The following RNF220 variants were observed in gnomAD, a reference collection of about 807,000 sequenced individuals.
RNF220 encodes the protein E3 ubiquitin-protein ligase RNF220.
Under a neutral mutation model 67.1 loss-of-function variants are expected in RNF220, and 7 were observed. The observed-to-expected ratio is 0.10, with a 90% CI of 0.06 to 0.20. RNF220 has a LOEUF of 0.20. RNF220 is among the 10% of genes least tolerant of loss of function. The probability of loss-of-function intolerance (pLI) is 1.00; values close to 1 mark genes in which losing one functional copy is unlikely to be tolerated. For synonymous variants in RNF220, 270 were observed against 283.2 expected (o/e 0.95, Z 0.47); for missense variants, 565 against 740.3 (o/e 0.76, Z 2.75).
chr1:44,635,467 T>C, intron 6 of RNF220, 78 bp from the exon 7 acceptor site: 2 of 1,569,186 alleles, frequency 1.3e-6, no homozygotes, highest in Admixed American at 1.8e-5. Context: ...GGTCAGGATG[T>C]GTCAGCTCCA....
intron 5 of RNF220, among the ~76,000 whole-genome samples, chr1:44,630,120 T>C (rs1644073060): frequency 6.6e-6 from 1 of 152,234 alleles, no homozygotes; most frequent in African/African-American, 2.4e-5. Context: ...TTGTTTTTCA[T>C]AGAGACAGGG....
intron 2 of RNF220, among the ~76,000 whole-genome samples, chr1:44,501,772 G>T (rs547716341): frequency 1.2e-4 from 18 of 152,192 alleles, no homozygotes; most frequent in African/African-American, 3.1e-4. Context: ...GTGCAGGAGA[G>T]GGGGGCTGGG....
intron 2 of RNF220, among the ~76,000 whole-genome samples, chr1:44,550,371 G>A (rs1015627319): frequency 2.6e-5 from 4 of 152,140 alleles, no homozygotes; most frequent in South Asian, 4.1e-4. Context: ...TGTGTCTCTC[G>A]GGCTGCACAT....
At chr1:44,560,036 G>A (rs1194936937) in intron 2 of RNF220, among the ~76,000 whole-genome samples, 1 of 152,192 alleles carries the variant, frequency 6.6e-6, no homozygotes, top group Non-Finnish European at 1.5e-5. Context: ...TGTCCTCAGT[G>A]CCCATCAGGC....
Position 44,622,644 on chromosome 1 carries a change from C to A in RNF220, c.759-98C>A. On this transcript the variant is annotated intron_variant, in intron 3 of 14. Transcript: ENST00000361799. The surrounding 1 kb of genome is among the most constrained non-coding windows in gnomAD (Gnocchi z 4.3). ...GCTGAGCTGGGCTGGGCTAGGCGGT[C>A]TATGCCTTCTCTGTCTTTGGGGTCT... is the stretch of plus-strand genomic sequence containing the variant. 2 of 1,101,070 alleles carry A rather than the reference C, an allele frequency of 1.8e-6. No individual in the cohort carries two copies. The highest frequency in any genetic ancestry group is 1.3e-5 in the South Asian group (1 of 77,538). 68.2% of individuals were successfully genotyped at this position (1,101,070 alleles called of 1,614,324 possible).
intron 2 of RNF220, among the ~76,000 whole-genome samples, chr1:44,487,336 AAAATAAATAAAT>A (rs149516718): frequency 1.4e-5 from 2 of 146,950 alleles, no homozygotes; most frequent in Admixed American, 6.8e-5. Context: ...CTCTGTCTCA[AAAATAAATAAAT>A]AAATAAATAA....
At chr1:44,511,583 TAGAA>T (rs1402089800) in intron 2 of RNF220, among the ~76,000 whole-genome samples, 1 of 152,162 alleles carries the variant, frequency 6.6e-6, no homozygotes, top group African/African-American at 2.4e-5. Context: ...TCGTTCCTGA[TAGAA>T]AGCAGGTAGG....
chr1:44,633,908 G>A (rs1405013767), intron 6 of RNF220, among the ~76,000 whole-genome samples: 1 of 152,228 alleles, frequency 6.6e-6, no homozygotes, highest in African/African-American at 2.4e-5. Flanking sequence ...CCAAGAGTTA[G>A]GGCAGCCAAA....
chr1:44,527,851 G>C (rs1427050187), intron 2 of RNF220, among the ~76,000 whole-genome samples: 2 of 136,548 alleles, frequency 1.5e-5, no homozygotes, highest in African/African-American at 5.4e-5. Context: ...TCTTTGACTT[G>C]GGAGATGAAG....
At chr1:44,479,809 C>T (rs1412327180) in intron 2 of RNF220, among the ~76,000 whole-genome samples, 2 of 152,152 alleles carry the variant, frequency 1.3e-5, no homozygotes, top group African/African-American at 2.4e-5. Flanking sequence ...TGCAAACTAG[C>T]CAGTTTTCTG....
intron 12 of RNF220, among the ~76,000 whole-genome samples, chr1:44,646,863 CTA>C (rs1394786461): frequency 2.6e-5 from 4 of 152,232 alleles, no homozygotes; most frequent in African/African-American, 9.6e-5. Flanking sequence ...CGTGATTTCT[CTA>C]TTTCTTGCCC....
intron 2 of RNF220, among the ~76,000 whole-genome samples, chr1:44,476,244 T>G (rs1655289638): frequency 6.6e-6 from 1 of 152,114 alleles, no homozygotes; most frequent in African/African-American, 2.4e-5. Flanking sequence ...ACATAAGAGA[T>G]GCCAACTGTG....
intron 2 of RNF220, among the ~76,000 whole-genome samples, chr1:44,561,500 A>G (rs1457723738): frequency 6.6e-6 from 1 of 152,104 alleles, no homozygotes; most frequent in African/African-American, 2.4e-5. Context: ...CAGAGCAAAA[A>G]AAAAAGAACA....
At chr1:44,549,750 G>T (rs970391289) in intron 2 of RNF220, among the ~76,000 whole-genome samples, 2 of 152,152 alleles carry the variant, frequency 1.3e-5, no homozygotes, top group Non-Finnish European at 2.9e-5. Context: ...AGGTAAACAC[G>T]CCAAGCTGCA....
chr1:44,470,388 T>A (rs961841217), intron 2 of RNF220, among the ~76,000 whole-genome samples: 1 of 152,208 alleles, frequency 6.6e-6, no homozygotes, highest in Admixed American at 6.5e-5. Context: ...TACACATCAG[T>A]CAGTTGGCAA....
intron 2 of RNF220, among the ~76,000 whole-genome samples, chr1:44,443,514 C>T (rs1651771617): frequency 6.6e-6 from 1 of 152,164 alleles, no homozygotes; most frequent in Non-Finnish European, 1.5e-5. Context: ...CAGACTTGTT[C>T]ATGTCACCTG....
At chr1:44,532,307 C>T (rs544014257) in intron 2 of RNF220, among the ~76,000 whole-genome samples, 2 of 152,352 alleles carry the variant, frequency 1.3e-5, no homozygotes, top group South Asian at 4.1e-4. Flanking sequence ...AAACCCCTAC[C>T]TTGTCTCATT....
chr1:44,532,327 T>C (rs1660896950), intron 2 of RNF220, among the ~76,000 whole-genome samples: 1 of 152,210 alleles, frequency 6.6e-6, no homozygotes, highest in South Asian at 2.1e-4. Context: ...TGCTGAGTCA[T>C]GTCTCTTTCA....
intron 2 of RNF220, among the ~76,000 whole-genome samples, chr1:44,520,191 G>GGT (rs1558006630): frequency 6.6e-6 from 1 of 151,528 alleles, no homozygotes; most frequent in Non-Finnish European, 1.5e-5. Context: ...GGCTGGGCGC[G>GGT]GTGGCTCACG....
Sources: gnomAD v4.1 joint callset for allele counts (sites outside exome capture counted in the v4.1 genomes callset) on GRCh38, gnomAD v4.1.1 for gene constraint, Gnocchi (gnomAD v3.1) non-coding constraint, MANE v1.5 for transcripts, NCBI Gene and HGNC (gene_info 2026-07-23, HGNC 2026-07-21) for gene names.